The following PVT1 variants were observed in gnomAD, a reference collection of about 807,000 sequenced individuals.
PVT1 encodes the protein CXCR4/PVT1 fusion.
chr8:127,904,837 A>C (rs1030043116), intron 3 of PVT1, among the ~76,000 whole-genome samples: 19 of 152,178 alleles, frequency 1.2e-4, no homozygotes, highest in African/African-American at 4.3e-4. Flanking sequence ...TCTTGTGTAA[A>C]AATTAGGAAG....
At chr8:127,883,979 A>G (rs573026792) in intron 2 of PVT1, among the ~76,000 whole-genome samples, 41 of 152,268 alleles carry the variant, frequency 2.7e-4, no homozygotes, top group Non-Finnish European at 4.4e-4. Context: ...ATATTTTCAC[A>G]GGAAAACTCA....
intron 6 of PVT1, among the ~76,000 whole-genome samples, chr8:128,098,748 G>T (rs552596442): frequency 9.1e-4 from 139 of 152,254 alleles, no homozygotes; most frequent in African/African-American, 3.2e-3. Context: ...CTCTGCAGAG[G>T]TTTCCTCCAT....
At chr8:127,954,649 G>C (rs923074793) in intron 3 of PVT1, among the ~76,000 whole-genome samples, 3 of 152,192 alleles carry the variant, frequency 2.0e-5, no homozygotes, top group Non-Finnish European at 4.4e-5. Context: ...GCCTCTCCCA[G>C]GTGGGAGTTG....
In PVT1 at chr8:127,903,582, A is replaced by G. The variant is rs571170290; in HGVS notation, n.782+12584A>G. On this transcript the variant is annotated intron_variant and non_coding_transcript_variant, in intron 3 of 10. Transcript: ENST00000651587. Reference sequence around the variant, plus strand: ...GTTTGAAGTCTTAAGTCTTTAATCCATGTTGAGTTATTTTTTGTGTGGTGA... The same window carrying G: ...GTTTGAAGTCTTAAGTCTTTAATCCGTGTTGAGTTATTTTTTGTGTGGTGA... 4.6e-5 allele frequency among the ~76,000 whole-genome samples: 7 copies of G among 152,252 alleles called. No individual in the cohort carries two copies. The East Asian group carries it at 1.2e-3, about 25-fold the overall frequency.
chr8:127,915,567 G>A (rs1815973327), intron 3 of PVT1, among the ~76,000 whole-genome samples: 2 of 134,622 alleles, frequency 1.5e-5, no homozygotes, highest in Admixed American at 8.6e-5. Context: ...AGCCGAGATT[G>A]CATCATTGCA....
intron 4 of PVT1, among the ~76,000 whole-genome samples, chr8:128,040,352 G>T (rs10106077): frequency 6.6e-6 from 1 of 152,200 alleles, no homozygotes; most frequent in African/African-American, 2.4e-5. Context: ...GACTCAAGCC[G>T]CAGTATCAGC....
intron 3 of PVT1, among the ~76,000 whole-genome samples, chr8:127,895,677 A>C (rs1467108910): frequency 1.3e-5 from 2 of 152,334 alleles, no homozygotes; most frequent in East Asian, 3.9e-4. Context: ...AAAATATTGA[A>C]GATGAGTGAG....
rs375819637 is a variant in PVT1, at chr8:127,876,403, T to TTTTATTTTTATTTTTA, written n.373-14171_373-14170insATTTATTTTTATTTTT. Among the ~76,000 whole-genome samples the TTTTATTTTTATTTTTA allele has an allele frequency of 8.0e-3, 1,215 of 151,102 alleles. 17 individuals are homozygous for TTTTATTTTTATTTTTA. The highest frequency in any genetic ancestry group is 0.028 in the African/African-American group (1,149 of 40,634). ...TTTCTGGAGTGCTATTCTGACAGGT[T>TTTTATTTTTATTTTTA]TTTATTTTTATTTTTTTAATTATTT... On this transcript the variant is annotated intron_variant and non_coding_transcript_variant, in intron 2 of 10. Transcript: ENST00000651587.
chr8:128,026,910 T>A (rs964269148), intron 4 of PVT1, among the ~76,000 whole-genome samples: 1 of 152,132 alleles, frequency 6.6e-6, no homozygotes, highest in African/African-American at 2.4e-5. Flanking sequence ...TGGAGCAGAA[T>A]CTGGGACCCT....
At chr8:127,830,075 T>C (rs1310094944) in intron 2 of PVT1, among the ~76,000 whole-genome samples, 1 of 152,232 alleles carries the variant, frequency 6.6e-6, no homozygotes, top group African/African-American at 2.4e-5. Flanking sequence ...CAGAACCTCT[T>C]CTTTACTTAA....
At chr8:128,062,680 G>A (rs1813847126) in intron 4 of PVT1, among the ~76,000 whole-genome samples, 1 of 152,214 alleles carries the variant, frequency 6.6e-6, no homozygotes, top group Non-Finnish European at 1.5e-5. Context: ...TTACTTGGGG[G>A]AGGATGTGGT....
At chr8:128,067,861 G>T (rs116207318) in intron 4 of PVT1, among the ~76,000 whole-genome samples, 2,202 of 152,122 alleles carry the variant, frequency 0.014, 28 homozygotes, top group African/African-American at 0.027. Flanking sequence ...GGAAGAGACT[G>T]ATCATGCTGT....
chr8:128,069,098 C>G (rs1482838481), intron 4 of PVT1, among the ~76,000 whole-genome samples: 1 of 152,158 alleles, frequency 6.6e-6, no homozygotes, highest in East Asian at 1.9e-4. Context: ...GGAGAAGAGG[C>G]GGCACCTTAA....
chr8:128,095,086 T>C (rs1348817854), intron 5 of PVT1, among the ~76,000 whole-genome samples: 1 of 152,192 alleles, frequency 6.6e-6, no homozygotes, highest in East Asian at 1.9e-4. Flanking sequence ...GCATAGGAGA[T>C]TGCAGCTGCA....
chr8:127,945,584 C>T (rs988100564), intron 3 of PVT1, among the ~76,000 whole-genome samples: 2 of 152,232 alleles, frequency 1.3e-5, no homozygotes, highest in Non-Finnish European at 2.9e-5. Context: ...CATGAATCCT[C>T]ACAGTTCCCA....
intron 3 of PVT1, among the ~76,000 whole-genome samples, chr8:127,971,592 TG>T (rs1481950352): frequency 6.6e-6 from 1 of 152,192 alleles, no homozygotes; most frequent in African/African-American, 2.4e-5. Flanking sequence ...GCCAGGGCAC[TG>T]CAGTGTAGCA....
At chr8:127,825,452 C>A (rs909599305) in intron 2 of PVT1, among the ~76,000 whole-genome samples, 2 of 152,132 alleles carry the variant, frequency 1.3e-5, no homozygotes, top group African/African-American at 4.8e-5. Context: ...GATAATTCTT[C>A]AGCATTTGTC....
intron 3 of PVT1, among the ~76,000 whole-genome samples, chr8:127,954,611 C>T (rs1816547270): frequency 1.3e-5 from 2 of 152,184 alleles, no homozygotes; most frequent in South Asian, 4.1e-4. Flanking sequence ...CTCACTTCTA[C>T]CTGTGGGTGT....
At chr8:127,966,884 C>T (rs575953784) in intron 3 of PVT1, among the ~76,000 whole-genome samples, 2 of 152,192 alleles carry the variant, frequency 1.3e-5, no homozygotes, top group African/African-American at 4.8e-5. Context: ...TATTAGAATG[C>T]CTTTCTTTTT....
Sources: allele counts gnomAD v4.1 joint callset (sites outside exome capture counted in the v4.1 genomes callset), GRCh38; gene constraint gnomAD v4.1.1; transcripts MANE v1.5; gene names NCBI Gene and HGNC (gene_info 2026-07-23, HGNC 2026-07-21).